Variants in ASCC3 observed in about 807,000 individuals in gnomAD.
The protein encoded by ASCC3 is activating signal cointegrator 1 complex subunit 3.
Under a neutral mutation model 256.3 loss-of-function variants are expected in ASCC3, and 158 were observed. That is an observed-to-expected ratio of 0.62 (90% CI 0.54 to 0.70). The LOEUF is 0.70. Ranked by LOEUF, ASCC3 falls within the 30% of genes least tolerant of loss-of-function variation. ASCC3 has a pLI of 0.00. For synonymous variants in ASCC3, 948 were observed against 883.4 expected (o/e 1.07, Z -1.30); for missense variants, 2,259 against 2,626.0 (o/e 0.86, Z 3.05).
At chr6:100,573,728 A>T (rs963273856) in intron 36 of ASCC3, among the ~76,000 whole-genome samples, 1 of 152,118 alleles carries the variant, frequency 6.6e-6, no homozygotes, top group Non-Finnish European at 1.5e-5. Context: ...ACCGATAATT[A>T]AAAAATGTTC....
At chr6:100,605,944 T>C (rs1772862919) in intron 32 of ASCC3, among the ~76,000 whole-genome samples, 1 of 152,088 alleles carries the variant, frequency 6.6e-6, no homozygotes. Flanking sequence ...GGGTCTTTCT[T>C]AACATTTATA....
chr6:100,814,473 G>C (rs979509332), intron 4 of ASCC3, among the ~76,000 whole-genome samples: 39 of 152,100 alleles, frequency 2.6e-4, no homozygotes, highest in African/African-American at 9.4e-4. Flanking sequence ...AGTTAGGGAG[G>C]AGTCCCTCCT....
At chr6:100,597,839 T>A (rs1018783272) in intron 34 of ASCC3, among the ~76,000 whole-genome samples, 14 of 98,764 alleles carry the variant, frequency 1.4e-4, no homozygotes, top group Non-Finnish European at 2.4e-4. Context: ...CCGAGCATGG[T>A]GGAAGGTGCC....
intron 4 of ASCC3, among the ~76,000 whole-genome samples, chr6:100,806,874 A>C (rs1323000800): frequency 6.6e-6 from 1 of 151,986 alleles, no homozygotes; most frequent in East Asian, 1.9e-4. Context: ...ATTATATGCC[A>C]GGTACTATGA....
At chr6:100,753,616 G>A (rs947730154) in intron 10 of ASCC3, among the ~76,000 whole-genome samples, 23 of 151,908 alleles carry the variant, frequency 1.5e-4, no homozygotes, top group African/African-American at 5.6e-4. Flanking sequence ...GGGCTTAAGT[G>A]ATCCTCCTGC....
At chr6:100,626,476 A>AGTAC (rs1774241414) in intron 29 of ASCC3, among the ~76,000 whole-genome samples, 1 of 152,100 alleles carries the variant, frequency 6.6e-6, no homozygotes, top group Non-Finnish European at 1.5e-5. Context: ...TATAATAAAT[A>AGTAC]GTACATAAGT....
intron 36 of ASCC3, among the ~76,000 whole-genome samples, chr6:100,581,020 C>T (rs375250591): frequency 1.1e-4 from 16 of 152,108 alleles, no homozygotes; most frequent in African/African-American, 1.9e-4. Flanking sequence ...TTTGCTATTG[C>T]GAATAGTGCC....
At chr6:100,548,650 A>G (rs949429994) in intron 36 of ASCC3, among the ~76,000 whole-genome samples, 3 of 151,998 alleles carry the variant, frequency 2.0e-5, no homozygotes, top group African/African-American at 7.2e-5. Context: ...ATACATGGAA[A>G]CATGAGAGAG....
At chr6:100,810,989 T>C (rs1259047404) in intron 4 of ASCC3, among the ~76,000 whole-genome samples, 1 of 152,162 alleles carries the variant, frequency 6.6e-6, no homozygotes, top group Non-Finnish European at 1.5e-5. Flanking sequence ...CAGGCATGTG[T>C]AAAAGTACTG....
At chr6:100,707,761 C>T (rs1410686586) in intron 13 of ASCC3, among the ~76,000 whole-genome samples, 1 of 152,006 alleles carries the variant, frequency 6.6e-6, no homozygotes, top group Non-Finnish European at 1.5e-5. Context: ...TTACAGTATC[C>T]TAGACAAAGC....
At chr6:100,702,823 A>G (rs1778412643) in intron 13 of ASCC3, among the ~76,000 whole-genome samples, 1 of 152,128 alleles carries the variant, frequency 6.6e-6, no homozygotes, top group African/African-American at 2.4e-5. Flanking sequence ...AGGGAATTTT[A>G]TCTTTTTGTA....
Position 100,627,959 on chromosome 6 carries a change from G to T in ASCC3, c.4404C>A (p.Val1468=). 2 of 1,613,432 alleles carry T rather than the reference G, an allele frequency of 1.2e-6. No individual in the cohort carries two copies. Among genetic ancestry groups the T allele is most frequent in the East Asian group, 2.2e-5 (1 of 44,828 alleles). Residue 1468 remains valine, a synonymous_variant, in exon 28 of 42, where the codon GTC becomes GTA. Transcript: ENST00000369162. ...LGEERGPVLE[V]IVSRTNFISS... ...AGATAAAATTTGTTCGAGATACAAT[G>T]ACCTCTAGAACAGGGCCTCTTTCCT... is the stretch of plus-strand genomic sequence containing the variant.
chr6:100,509,242 A>T lies in ASCC3; in HGVS notation c.*144T>A. The T allele has an allele frequency of 9.2e-7, 1 of 1,090,178 alleles. No individual in the cohort carries two copies. Among genetic ancestry groups the T allele is most frequent in the Non-Finnish European group, 1.4e-6 (1 of 718,666 alleles). The allele number at this position is 1,090,178 out of a possible 1,614,324, so 67.5% of individuals were successfully genotyped here. On this transcript the variant is annotated 3_prime_UTR_variant, in exon 42 of 42. Coordinates refer to ENST00000369162, the MANE Select transcript of ASCC3 (RefSeq NM_006828.4). The stretch of plus-strand genomic sequence containing the variant: ...GGTTAACTTTATGTCACTGGAGTCA[A>T]TACTGCAGCCACTGTCAATTTCCTG...
chr6:100,649,165 T>A (rs17060815), intron 20 of ASCC3, among the ~76,000 whole-genome samples: 3,109 of 151,858 alleles, frequency 0.02, 103 homozygotes, highest in African/African-American at 0.073. Context: ...ATATCCTTAA[T>A]CAGAAGTTGA....
chr6:100,579,870 T>C (rs1004509), intron 36 of ASCC3, among the ~76,000 whole-genome samples: 27,688 of 152,138 alleles, frequency 0.18, 3,133 homozygotes, highest in Middle Eastern at 0.33. Context: ...AAGAATGTCA[T>C]TGGTAGTTTG....
Position 100,652,708 on chromosome 6 carries a change from T to C in ASCC3, c.2988+17A>G. 6.2e-7 allele frequency: 1 copy of C among 1,609,046 alleles called. No individual in the cohort carries two copies. The highest frequency in any genetic ancestry group is 8.5e-7 in the Non-Finnish European group (1 of 1,175,770). On this transcript the variant is annotated intron_variant, in intron 18 of 41. Transcript: ENST00000369162. ...TATTTGCATCTAAAATCAAACATAT[T>C]TGCATTAGTATAATACCTCAATGGT...
chr6:100,617,284 A>G (rs1183641266), intron 30 of ASCC3, among the ~76,000 whole-genome samples: 2 of 152,128 alleles, frequency 1.3e-5, no homozygotes, highest in Non-Finnish European at 2.9e-5. Context: ...CTGGGATTAC[A>G]GGCGTGAGCC....
rs915904401 is a variant in ASCC3 at position 100,713,542 on chromosome 6, C to T, written c.2151+1920G>A. ...TGCAATGTACAAAACAAAGAGTTAA[C>T]CTTAACGTAAACTGTGGACTTTGAG... On this transcript the variant is annotated intron_variant, in intron 13 of 41. Coordinates refer to ENST00000369162, the MANE Select transcript of ASCC3 (RefSeq NM_006828.4). Among the ~76,000 whole-genome samples the T allele has an allele frequency of 2.0e-5, 3 of 152,038 alleles. No individual in the cohort carries two copies. In the East Asian group the frequency reaches 5.8e-4, roughly 29 times the overall value.
At chr6:100,645,317 A>G (rs1775325265) in intron 22 of ASCC3, among the ~76,000 whole-genome samples, 1 of 151,944 alleles carries the variant, frequency 6.6e-6, no homozygotes, top group Non-Finnish European at 1.5e-5. Flanking sequence ...ATAATTTTGT[A>G]TCATCTAGTC....
Sources: gnomAD v4.1 joint callset for allele counts (sites outside exome capture counted in the v4.1 genomes callset) on GRCh38, gnomAD v4.1.1 for gene constraint, MANE v1.5 for transcripts, NCBI Gene and HGNC (gene_info 2026-07-23, HGNC 2026-07-21) for gene names.